The following ERGIC2 variants were observed in gnomAD, a reference collection of about 807,000 sequenced individuals.
ERGIC2 encodes endoplasmic reticulum-Golgi intermediate compartment protein 2.
A neutral mutation model predicts 52.5 loss-of-function variants in ERGIC2; 31 were observed. That is an observed-to-expected ratio of 0.59 (90% CI 0.44 to 0.80). The LOEUF (loss-of-function observed/expected upper bound fraction) is 0.80, where lower values mean the gene tolerates loss of function less well. ERGIC2 is among the 30% of genes least tolerant of loss of function. ERGIC2 has a pLI of 0.00. For missense variants in ERGIC2, 395 were observed against 455.2 expected (o/e 0.87, Z 1.20); for synonymous variants, 129 against 140.6 (o/e 0.92, Z 0.58).
chr12:29,350,791 T>C (rs1195869733), intron 8 of ERGIC2, among the ~76,000 whole-genome samples: 2 of 152,118 alleles, frequency 1.3e-5, no homozygotes, highest in Non-Finnish European at 1.5e-5. Flanking sequence ...TCAGAAAATA[T>C]ATTCAAGTAT....
chr12:29,359,422 T>C (rs1347676413), intron 6 of ERGIC2, among the ~76,000 whole-genome samples: 5 of 152,078 alleles, frequency 3.3e-5, no homozygotes, highest in African/African-American at 1.2e-4. Context: ...AAAAAATTTC[T>C]GCCTTCACTG....
At position 29,356,090 on chromosome 12, in the gene ERGIC2, C is replaced by T. The variant is rs191392052; in HGVS notation, c.572+292G>A. On this transcript the variant is annotated intron_variant, in intron 8 of 13. Coordinates refer to ENST00000360150, the MANE Select transcript of ERGIC2 (RefSeq NM_016570.3). ...AGGCTGTAGTGCAGTGGCGCGATCT[C>T]GGCTCACTACAACCTCCGCCTCCTG... Among the ~76,000 whole-genome samples, 222 of 151,882 alleles carry T rather than the reference C, an allele frequency of 1.5e-3. 3 individuals are homozygous for T. The highest frequency in any genetic ancestry group is 2.9e-4 in the Non-Finnish European group (20 of 67,956).
intron 1 of ERGIC2, among the ~76,000 whole-genome samples, chr12:29,374,657 C>A (rs1387150597): frequency 6.6e-6 from 1 of 152,060 alleles, no homozygotes; most frequent in Non-Finnish European, 1.5e-5. Context: ...CACCATAAGC[C>A]CAACTACACA....
chr12:29,364,720 G>A (rs1940334419), intron 5 of ERGIC2, among the ~76,000 whole-genome samples: 1 of 152,032 alleles, frequency 6.6e-6, no homozygotes, highest in African/African-American at 2.4e-5. Context: ...TCTGATAAAG[G>A]TCTAATATCC....
rs1949818587 is a variant in ERGIC2 at position 29,339,073 on chromosome 12, T to G, written c.*2083A>C. Reference sequence around the variant, plus strand: ...TCGTCCAAAGGGCTGATCGGAATTTTAATACTTCCATTGCCAAAAATCTGA... The same window carrying G: ...TCGTCCAAAGGGCTGATCGGAATTTGAATACTTCCATTGCCAAAAATCTGA... On this transcript the variant is annotated 3_prime_UTR_variant, in exon 14 of 14. Transcript: ENST00000360150. 6.6e-6 allele frequency: 1 copy of G among 152,174 alleles called. No homozygotes were observed. Among genetic ancestry groups the G allele is most frequent in the Non-Finnish European group, 1.5e-5 (1 of 68,022 alleles). 9.4% of individuals were successfully genotyped at this position (152,174 alleles called of 1,614,324 possible).
Position 29,350,602 on chromosome 12 carries a change from C to G in ERGIC2, c.573-534G>C, listed in dbSNP as rs543094140. ...TTGCTTGAAAGACATTTATAGAATT[C>G]CAGTAGATTATTCTCCTAATACTTA... On this transcript the variant is annotated intron_variant, in intron 8 of 13. Coordinates refer to ENST00000360150, the MANE Select transcript of ERGIC2 (RefSeq NM_016570.3). Among the ~76,000 whole-genome samples, 3 of 152,018 alleles carry G rather than the reference C, an allele frequency of 2.0e-5. No homozygotes were observed. The East Asian group carries it at 5.8e-4, about 29-fold the overall frequency.
At chr12:29,378,095 A>T (rs534995418) in intron 1 of ERGIC2, among the ~76,000 whole-genome samples, 106 of 152,334 alleles carry the variant, frequency 7.0e-4, no homozygotes, top group Middle Eastern at 6.8e-3. Flanking sequence ...AGTCTTTCAG[A>T]TATAACTAAT....
chr12:29,358,437 C>A (rs974211969), intron 6 of ERGIC2, among the ~76,000 whole-genome samples: 7 of 152,118 alleles, frequency 4.6e-5, no homozygotes, highest in Non-Finnish European at 1.0e-4. Flanking sequence ...TGAAATCATT[C>A]TGTATGGCAG....
intron 1 of ERGIC2, among the ~76,000 whole-genome samples, chr12:29,376,740 T>C (rs1369389655): frequency 6.6e-6 from 1 of 152,196 alleles, no homozygotes; most frequent in Non-Finnish European, 1.5e-5. Context: ...TTTGCCTCTC[T>C]ACTCAGTGTG....
At position 29,349,905 on chromosome 12, in the gene ERGIC2, T is replaced by A; in HGVS notation, c.628+108A>T. 4.6e-6 allele frequency: 3 copies of A among 645,346 alleles called. No homozygotes were observed. The South Asian group carries it at 6.1e-5, about 13-fold the overall frequency. 40.0% of individuals were successfully genotyped at this position (645,346 alleles called of 1,614,324 possible). On this transcript the variant is annotated intron_variant, in intron 9 of 13. Transcript: ENST00000360150. ...TTAAAAATTTATTTTTTCCTTTGGA[T>A]GAATATGTTTTCAAAACAGCTCACT...
At chr12:29,362,349 G>C (rs564209036) in intron 5 of ERGIC2, among the ~76,000 whole-genome samples, 1 of 152,252 alleles carries the variant, frequency 6.6e-6, no homozygotes, top group South Asian at 2.1e-4. Flanking sequence ...GCCAAGACAG[G>C]CGGATTGCCT....
At chr12:29,348,204 G>C (rs1940084414) in intron 10 of ERGIC2, among the ~76,000 whole-genome samples, 1 of 151,978 alleles carries the variant, frequency 6.6e-6, no homozygotes, top group Admixed American at 6.6e-5. Flanking sequence ...ATGTAAATCA[G>C]TATTCTAAAT....
chr12:29,343,034 T>C (rs1024500834), intron 12 of ERGIC2, 86 bp downstream of exon 12: 93 of 1,129,458 alleles, frequency 8.2e-5, no homozygotes, highest in Non-Finnish European at 1.1e-4. Context: ...CATGAAAATC[T>C]GTATACTTCT....
In ERGIC2 at chr12:29,356,382, T is replaced by C. The variant is rs773558950; in HGVS notation, c.572A>G (p.Lys191Arg). The change falls in exon 8 of 14, where the codon AAG (lysine) becomes AGG (arginine). Residue 191 changes from lysine to arginine, a missense_variant and splice_region_variant. Transcript: ENST00000360150. ...VAGNFHITVG[K>R]AIPHPRGHAH... ...TTTTCAGTAAGTGAAAAGAACATAC[T>C]TGCCCACTGTTATGTGAAAATTCCC... 6.5e-7 allele frequency: 1 copy of C among 1,527,178 alleles called. No homozygotes were observed. The highest frequency in any genetic ancestry group is 9.1e-7 in the Non-Finnish European group (1 of 1,101,062). 94.6% of individuals were successfully genotyped at this position (1,527,178 alleles called of 1,614,324 possible). A position where few individuals can be genotyped will look rare whatever the true frequency, so the allele number is the denominator to read the frequency against.
chr12:29,353,969 G>A (rs1940169236), intron 8 of ERGIC2, among the ~76,000 whole-genome samples: 1 of 152,034 alleles, frequency 6.6e-6, no homozygotes, highest in African/African-American at 2.4e-5. Flanking sequence ...TTCAGTGGAG[G>A]AAAAGTTGTT....
chr12:29,359,371 A>G (rs1940252433), intron 6 of ERGIC2, among the ~76,000 whole-genome samples: 1 of 152,080 alleles, frequency 6.6e-6, no homozygotes, highest in Non-Finnish European at 1.5e-5. Flanking sequence ...AACAAACTAT[A>G]CATACGTGTA....
chr12:29,370,052 G>C, intron 3 of ERGIC2, 62 bp downstream of exon 3: 1 of 1,377,130 alleles, frequency 7.3e-7, no homozygotes, highest in Non-Finnish European at 9.5e-7. Context: ...TTTTTTAAAA[G>C]GTATGCTCTT....
At position 29,381,109 on chromosome 12, in the gene ERGIC2, T is replaced by C. The variant is rs1027608274; in HGVS notation, c.-38+6A>G. 4 of 152,212 alleles carry C rather than the reference T, an allele frequency of 2.6e-5. No homozygotes were observed. Among genetic ancestry groups the C allele is most frequent in the Non-Finnish European group, 5.9e-5 (4 of 68,044 alleles). The allele number at this position is 152,212 out of a possible 1,614,324, so 9.4% of individuals were successfully genotyped here. ...AACAGCACCCAGCGGTGTTTCAGTA[T>C]TTTACCTTGTGTTATGGTCCCAGCC... On this transcript the variant is annotated splice_donor_region_variant and intron_variant, in intron 1 of 13. Transcript: ENST00000360150.
At chr12:29,342,975 A>C in intron 12 of ERGIC2, 145 bp downstream of exon 12, 1 of 564,114 alleles carries the variant, frequency 1.8e-6, no homozygotes. Flanking sequence ...GTTAGTCAAT[A>C]TAATTTTGGA....
Sources: gnomAD v4.1 joint callset for allele counts (sites outside exome capture counted in the v4.1 genomes callset) on GRCh38, gnomAD v4.1.1 for gene constraint, MANE v1.5 for transcripts, NCBI Gene and HGNC (gene_info 2026-07-23, HGNC 2026-07-21) for gene names.